PER3: variants seen among roughly 807,000 people sequenced by gnomAD.
PER3 encodes the protein period circadian regulator 3, also known as period circadian protein homolog 3.
Under a neutral mutation model 127.2 loss-of-function variants are expected in PER3, and 107 were observed. That is an observed-to-expected ratio of 0.84 (90% CI 0.72 to 0.99). The LOEUF is 0.99. Among genes scored for constraint, PER3 ranks in the 50% least tolerant of loss-of-function variants. The probability of loss-of-function intolerance (pLI) is 0.00; values close to 1 mark genes in which losing one functional copy is unlikely to be tolerated. For synonymous variants in PER3, 618 were observed against 585.8 expected (o/e 1.05, Z -0.79); for missense variants, 1,560 against 1,525.8 (o/e 1.02, Z -0.37).
Position 7,784,910 on chromosome 1 carries a change from A to AGTCT in PER3, c.33_34insGTCT (p.Arg12ValfsTer5). 1 of 1,524,362 alleles carries AGTCT rather than the reference A, an allele frequency of 6.6e-7. No homozygotes were observed. Among genetic ancestry groups the AGTCT allele is most frequent in the Non-Finnish European group, 8.7e-7 (1 of 1,148,720 alleles). 94.4% of individuals were successfully genotyped at this position (1,524,362 alleles called of 1,614,324 possible). On this transcript the variant is annotated frameshift_variant, in exon 2 of 22. Coordinates refer to ENST00000377532, the MANE Select transcript of PER3 (RefSeq NM_001377275.1). LOFTEE classifies it high-confidence loss of function. Reference sequence around the variant, plus strand: ...GCGGGGAAGCTCCTGGCCCCGGGAGACGGGGGGCTAAGGACGAGGCCCTGG... The same window carrying AGTCT: ...GCGGGGAAGCTCCTGGCCCCGGGAGAGTCTCGGGGGGCTAAGGACGAGGCCCTGG...
chr1:7,814,836 A>G (rs2097239686), intron 13 of PER3, among the ~76,000 whole-genome samples: 1 of 152,210 alleles, frequency 6.6e-6, no homozygotes. Context: ...CTTATACTGT[A>G]TTTGAAACAG....
intron 14 of PER3, among the ~76,000 whole-genome samples, chr1:7,819,775 T>C (rs977601344): frequency 6.8e-6 from 1 of 146,898 alleles, no homozygotes; most frequent in Non-Finnish European, 1.5e-5. Context: ...TAAAACGTTA[T>C]GAGATTTTTT....
chr1:7,820,166 T>G lies in PER3; in HGVS notation c.1710T>G (p.Cys570Trp). The G allele has an allele frequency of 1.2e-6, 2 of 1,612,818 alleles. No homozygotes were observed. Among genetic ancestry groups the G allele is most frequent in the Non-Finnish European group, 1.7e-6 (2 of 1,178,816 alleles). ...CTTTGAAAAGAAAGTGTATCTCCTG[T>G]ACAAATACAACTTCTTCCTCCTCAG... ...IPALKRKCIS[C>W]TNTTSSSSEE... is the part of the protein sequence containing the mutation. The change falls in exon 15 of 22, where the codon TGT (cysteine) becomes TGG (tryptophan). Residue 570 changes from cysteine to tryptophan, a missense_variant. Cys to Trp is a radical substitution (Grantham distance 215). Coordinates refer to ENST00000377532, the MANE Select transcript of PER3 (RefSeq NM_001377275.1).
At position 7,809,995 on chromosome 1, in the gene PER3, C is replaced by G. The variant is rs765448875; in HGVS notation, c.1345C>G (p.Arg449Gly). Residue 449 changes from arginine (R) to glycine (G), a missense_variant, in exon 12 of 22, where the codon CGT (arginine) becomes GGT (glycine). By Grantham distance (125) the Arg-to-Gly change is moderately radical (BLOSUM62 -2). Around this residue, in one of 3 missense-constraint regions of PER3, gnomAD observed 1,332 missense variants for 1,223.6 expected, o/e 1.09. Transcript: ENST00000377532. ...IASSSEASGH[R>G]VEETKAEQMT... ...CTCCTCCAGTGAGGCCAGTGGGCAC[C>G]GTGTGGAGGAGACGAAGGCGGAGCA... is the stretch of plus-strand genomic sequence containing the variant. 2.5e-6 allele frequency: 4 copies of G among 1,613,856 alleles called. No individual in the cohort carries two copies. Among genetic ancestry groups the G allele is most frequent in the Middle Eastern group, 1.7e-4 (1 of 6,058 alleles).
intron 19 of PER3, among the ~76,000 whole-genome samples, chr1:7,834,131 A>T (rs228660): frequency 6.6e-6 from 1 of 152,170 alleles, no homozygotes; most frequent in Non-Finnish European, 1.5e-5. Flanking sequence ...TGTCAGCCAG[A>T]CTGAACTCAA....
rs772840416 is a variant in PER3, at chr1:7,842,671, G to A, written c.3550-1G>A. ...CTCGCCTGCTTTGTTCTTTTTTGGA[G>A]GCCTGTGTCACTTGTGAAAATGAAG... On this transcript the variant is annotated splice_acceptor_variant, in intron 21 of 21. Coordinates refer to ENST00000377532, the MANE Select transcript of PER3 (RefSeq NM_001377275.1). LOFTEE classifies it high-confidence loss of function. The A allele has an allele frequency of 8.8e-5, 142 of 1,612,924 alleles. No homozygotes were observed. Among genetic ancestry groups the A allele is most frequent in the Middle Eastern group, 3.3e-4 (2 of 6,076 alleles).
intron 7 of PER3, among the ~76,000 whole-genome samples, chr1:7,800,671 T>A (rs1420899119): frequency 3.9e-5 from 6 of 152,010 alleles, no homozygotes; most frequent in Non-Finnish European, 7.4e-5. Context: ...TATTAAATGA[T>A]TTATGATGAG....
At chr1:7,806,160 T>G (rs2097191650) in intron 10 of PER3, among the ~76,000 whole-genome samples, 1 of 152,096 alleles carries the variant, frequency 6.6e-6, no homozygotes, top group African/African-American at 2.4e-5. Flanking sequence ...TTGGTAAGTG[T>G]GACAGTTGAA....
At chr1:7,817,376 C>T (rs983496973) in intron 13 of PER3, among the ~76,000 whole-genome samples, 1 of 152,288 alleles carries the variant, frequency 6.6e-6, no homozygotes, top group Non-Finnish European at 1.5e-5. Flanking sequence ...CCTAAACACA[C>T]GGAAGGGGTG....
At chr1:7,792,961 C>T (rs905713006) in intron 5 of PER3, among the ~76,000 whole-genome samples, 2 of 152,168 alleles carry the variant, frequency 1.3e-5, no homozygotes, top group South Asian at 2.1e-4. Context: ...AGCAAACTGA[C>T]CTCACAGTAG....
intron 10 of PER3, among the ~76,000 whole-genome samples, chr1:7,808,471 A>G (rs1189560772): frequency 6.6e-6 from 1 of 152,214 alleles, no homozygotes; most frequent in East Asian, 1.9e-4. Context: ...TCTTAATTAG[A>G]TAGCTTAAGT....
chr1:7,820,047 G>A, intron 14 of PER3, 68 bp from the exon 15 acceptor site: 4 of 1,530,996 alleles, frequency 2.6e-6, no homozygotes, highest in South Asian at 1.2e-5. Flanking sequence ...CATGAGAAAA[G>A]CAAAGAGGTG....
intron 16 of PER3, among the ~76,000 whole-genome samples, chr1:7,822,531 G>A (rs2097282146): frequency 6.6e-6 from 1 of 152,130 alleles, no homozygotes; most frequent in Non-Finnish European, 1.5e-5. Flanking sequence ...GGGATTACAG[G>A]CGTGAGCCAC....
At position 7,803,285 on chromosome 1, in the gene PER3, T is replaced by A. The variant is rs2097178560; in HGVS notation, c.979+132T>A. The A allele has an allele frequency of 4.3e-5, 30 of 696,272 alleles. No individual in the cohort carries two copies. The South Asian group carries it at 4.6e-4, about 11-fold the overall frequency. The allele number at this position is 696,272 out of a possible 1,614,324, so 43.1% of individuals were successfully genotyped here. ...ATTGAAGCTGCTAAAGCAATTGTTT[T>A]CTATTTAAACATACTAAAACAGGCC... On this transcript the variant is annotated intron_variant, in intron 9 of 21. Coordinates refer to ENST00000377532, the MANE Select transcript of PER3 (RefSeq NM_001377275.1).
intron 18 of PER3, among the ~76,000 whole-genome samples, chr1:7,829,350 G>A (rs1328138552): frequency 1.3e-5 from 2 of 152,130 alleles, no homozygotes; most frequent in East Asian, 3.8e-4. Context: ...ATTCGTTTTT[G>A]CCTAAAATTG....
intron 5 of PER3, 133 bp from the exon 6 acceptor site, chr1:7,793,824 G>A (rs2097132691): frequency 1.3e-5 from 10 of 755,326 alleles, no homozygotes; most frequent in East Asian, 5.0e-5. Context: ...ATGAAGGAAG[G>A]GGGTTCTATT....
At chr1:7,806,816 T>A (rs1225704776) in intron 10 of PER3, among the ~76,000 whole-genome samples, 85 of 125,224 alleles carry the variant, frequency 6.8e-4, no homozygotes, top group East Asian at 2.7e-3. Context: ...AAAAAAAATA[T>A]ATATATATAT....
intron 3 of PER3, 137 bp downstream of exon 3, chr1:7,785,723 T>G (rs2097085437): frequency 7.3e-6 from 5 of 680,884 alleles, no homozygotes; most frequent in Non-Finnish European, 1.3e-5. Context: ...TGAGCAAATC[T>G]ACACCGATTC....
intron 7 of PER3, among the ~76,000 whole-genome samples, chr1:7,799,746 G>A (rs1341784090): frequency 6.6e-6 from 1 of 151,898 alleles, no homozygotes; most frequent in East Asian, 1.9e-4. Context: ...GTGTATGCAT[G>A]TTTTTGTGTA....
Sources: gnomAD v4.1 joint callset for allele counts (sites outside exome capture counted in the v4.1 genomes callset) on GRCh38, gnomAD v4.1.1 for gene constraint, gnomAD v4.1.1 regional missense constraint, MANE v1.5 for transcripts, NCBI Gene and HGNC (gene_info 2026-07-23, HGNC 2026-07-21) for gene names.